GALNT13: variants seen among roughly 807,000 people sequenced by gnomAD.
GALNT13 encodes polypeptide N-acetylgalactosaminyltransferase 13.
In GALNT13, 28 loss-of-function variants were observed where a neutral mutation model predicts 64.2. The observed-to-expected ratio is 0.44, with a 90% CI of 0.32 to 0.60. The LOEUF is 0.60. Ranked by LOEUF, GALNT13 falls within the 20% of genes least tolerant of loss-of-function variation. The probability of loss-of-function intolerance (pLI) is 0.05; values close to 1 mark genes in which losing one functional copy is unlikely to be tolerated. For synonymous variants in GALNT13, 214 were observed against 224.6 expected (o/e 0.95, Z 0.42); for missense variants, 577 against 669.8 (o/e 0.86, Z 1.53).
the GALNT13 span, among the ~76,000 whole-genome samples, chr2:153,369,832 G>A: frequency 1.9e-4 from 29 of 152,144 alleles, no homozygotes; most frequent in Non-Finnish European, 4.1e-4. Context: ...CAGCTTGGAA[G>A]TGGATCACCT....
rs145421667 is a variant in GALNT13 at position 154,450,398 on chromosome 2, T to C, written c.1531-13T>C. The C allele has an allele frequency of 1.4e-3, 2,285 of 1,603,120 alleles. 3 individuals are homozygous for C. Among genetic ancestry groups the C allele is most frequent in the Non-Finnish European group, 1.8e-3 (2,117 of 1,175,532 alleles). On this transcript the variant is annotated splice_polypyrimidine_tract_variant and intron_variant, in intron 12 of 12. Transcript: ENST00000392825. ...CGAAATAAGCTGCACTGATTATTGG[T>C]TATCTTTTACAGAGACTCACGTTGC...
the GALNT13 span, among the ~76,000 whole-genome samples, chr2:153,075,589 C>G: frequency 6.6e-6 from 1 of 152,122 alleles, no homozygotes; most frequent in African/African-American, 2.4e-5. Flanking sequence ...GTTACACTAT[C>G]AATTCAAGAG....
At chr2:153,206,036 G>A in the GALNT13 span, among the ~76,000 whole-genome samples, 1 of 151,860 alleles carries the variant, frequency 6.6e-6, no homozygotes, top group Middle Eastern at 3.4e-3. Context: ...TGTCCTGCTG[G>A]GAGTGCCATT....
chr2:154,304,824 G>A lies in GALNT13; in HGVS notation c.1156+3235G>A, dbSNP rs542927571. Among the ~76,000 whole-genome samples, 62 of 152,296 alleles carry A rather than the reference G, an allele frequency of 4.1e-4. 2 individuals carry two copies. Among genetic ancestry groups the A allele is most frequent in the African/African-American group, 1.5e-3 (61 of 41,560 alleles). On this transcript the variant is annotated intron_variant, in intron 9 of 12. Transcript: ENST00000392825. ...TAAATGTAGAAAAGTAGTTTGGGAG[G>A]CAGAACAAGGACTTTTGGGGAATGT...
At chr2:153,071,821 T>C in the GALNT13 span, among the ~76,000 whole-genome samples, 8 of 152,310 alleles carry the variant, frequency 5.3e-5, no homozygotes, top group East Asian at 1.4e-3. Context: ...TAGCTAAGAA[T>C]GGTTTTTATA....
the GALNT13 span, among the ~76,000 whole-genome samples, chr2:153,285,088 G>C: frequency 6.6e-6 from 1 of 151,400 alleles, no homozygotes; most frequent in African/African-American, 2.4e-5. Context: ...TGGCTGGGGA[G>C]ACCTTAGGAA....
chr2:153,800,314 C>T, the GALNT13 span, among the ~76,000 whole-genome samples: 1 of 151,996 alleles, frequency 6.6e-6, no homozygotes, highest in Non-Finnish European at 1.5e-5. Flanking sequence ...AATAAAAAAT[C>T]CTAATGATCA....
chr2:153,913,501 T>G (rs1689124531), intron 2 of GALNT13, among the ~76,000 whole-genome samples: 1 of 152,194 alleles, frequency 6.6e-6, no homozygotes, highest in East Asian at 1.9e-4. Context: ...TGGGCAGCCC[T>G]GACCATGCTC....
At chr2:154,024,917 G>T (rs1162329833) in intron 3 of GALNT13, among the ~76,000 whole-genome samples, 1 of 152,158 alleles carries the variant, frequency 6.6e-6, no homozygotes, top group African/African-American at 2.4e-5. Flanking sequence ...TAACAGACAG[G>T]ACCCTCAGCT....
At chr2:154,089,530 A>C (rs976856662) in intron 3 of GALNT13, among the ~76,000 whole-genome samples, 1 of 152,026 alleles carries the variant, frequency 6.6e-6, no homozygotes, top group Admixed American at 6.6e-5. Context: ...AGAGATTCTG[A>C]AACAGAGATT....
At chr2:154,219,654 C>G (rs1405877408) in intron 4 of GALNT13, among the ~76,000 whole-genome samples, 1 of 152,102 alleles carries the variant, frequency 6.6e-6, no homozygotes, top group Non-Finnish European at 1.5e-5. Context: ...CAATCCTGCT[C>G]CAGTTGAGCA....
chr2:153,331,756 T>C, the GALNT13 span, among the ~76,000 whole-genome samples: 1 of 152,136 alleles, frequency 6.6e-6, no homozygotes, highest in Non-Finnish European at 1.5e-5. Context: ...CTCACAGACA[T>C]ACCCAAGATC....
At chr2:154,295,348 T>TTTTATGTATTTATTTATTTA (rs1692857200) in intron 8 of GALNT13, among the ~76,000 whole-genome samples, 2 of 142,258 alleles carry the variant, frequency 1.4e-5, no homozygotes, top group Middle Eastern at 3.6e-3. Flanking sequence ...ATTCTTTTTA[T>TTTTATGTATTTATTTATTTA]TTTATTTATT....
At chr2:153,343,045 T>G in the GALNT13 span, among the ~76,000 whole-genome samples, 1 of 152,176 alleles carries the variant, frequency 6.6e-6, no homozygotes, top group Admixed American at 6.5e-5. Flanking sequence ...ATCACATAAC[T>G]CCATGAAAAG....
intron 11 of GALNT13, chr2:154,437,392 CT>C: frequency 2.4e-6 from 1 of 415,930 alleles, no homozygotes; most frequent in Non-Finnish European, 3.8e-6. Context: ...ATTTGTAAAG[CT>C]GACTTCCTCA....
intron 3 of GALNT13, among the ~76,000 whole-genome samples, chr2:153,949,889 C>T (rs925175527): frequency 2.0e-4 from 31 of 151,840 alleles, no homozygotes; most frequent in East Asian, 9.7e-4. Context: ...TAAATGGAAC[C>T]GAGAATAAAG....
At chr2:153,182,202 C>T in the GALNT13 span, among the ~76,000 whole-genome samples, 100 of 152,074 alleles carry the variant, frequency 6.6e-4, no homozygotes, top group African/African-American at 2.4e-3. Context: ...CACCATCATA[C>T]CCGGCTAATT....
chr2:154,190,963 G>C (rs987652965), intron 4 of GALNT13, among the ~76,000 whole-genome samples: 1 of 152,014 alleles, frequency 6.6e-6, no homozygotes, highest in Non-Finnish European at 1.5e-5. Context: ...TATACTTAAT[G>C]GACATCTCAA....
chr2:153,647,315 G>GT, the GALNT13 span, among the ~76,000 whole-genome samples: 66 of 151,806 alleles, frequency 4.3e-4, no homozygotes, highest in African/African-American at 1.3e-3. Context: ...GGGGTTATTT[G>GT]TTTTTTTTCT....
Sources: allele counts gnomAD v4.1 joint callset (sites outside exome capture counted in the v4.1 genomes callset), GRCh38; gene constraint gnomAD v4.1.1; transcripts MANE v1.5; gene names NCBI Gene and HGNC (gene_info 2026-07-23, HGNC 2026-07-21).